Variants in FGF10 observed in about 807,000 individuals in gnomAD.
The protein encoded by FGF10 is fibroblast growth factor 10.
FGF10 carries 2 observed loss-of-function variants against 19.8 expected under a neutral mutation model. The ratio of observed to expected loss-of-function variants is 0.10; its 90% confidence interval spans 0.04 to 0.32. FGF10 has a LOEUF of 0.32. Ranked by LOEUF, FGF10 falls within the 10% of genes least tolerant of loss-of-function variation. The pLI, the probability that FGF10 is intolerant of heterozygous loss-of-function variation, is 1.00. For synonymous variants in FGF10, 112 were observed against 94.0 expected (o/e 1.19, Z -1.10); for missense variants, 191 against 246.3 (o/e 0.78, Z 1.50).
chr5:44,323,412 T>A (rs911271984), intron 1 of FGF10, among the ~76,000 whole-genome samples: 4 of 152,122 alleles, frequency 2.6e-5, no homozygotes, highest in African/African-American at 9.7e-5. Context: ...GAACTCAGCA[T>A]GAAAATCTGA....
chr5:44,328,168 T>C (rs4866891), intron 1 of FGF10, among the ~76,000 whole-genome samples: 85,831 of 152,102 alleles, frequency 0.56, 25,480 homozygotes, highest in Non-Finnish European at 0.67. Flanking sequence ...CTCATTAGAA[T>C]CAACAGTTTT....
rs1347670033 is a variant in FGF10, at chr5:44,302,922, G to C, written c.*2073C>G. Among the ~76,000 whole-genome samples, 1 of 151,816 alleles carries C rather than the reference G, an allele frequency of 6.6e-6. No homozygotes were observed. The highest frequency in any genetic ancestry group is 2.1e-4 in the South Asian group (1 of 4,792). On this transcript the variant is annotated 3_prime_UTR_variant, in exon 3 of 3. Transcript: ENST00000264664. ...CAAACATTTAATTTTGGTTGTGGGT[G>C]GTCTATGTTTATGTGTCAGGTGCAA...
In FGF10 at chr5:44,328,998, G is replaced by GAATA. The variant is rs537265763; in HGVS notation, c.326-18472_326-18469dup. On this transcript the variant is annotated intron_variant, in intron 1 of 2. Coordinates refer to ENST00000264664, the MANE Select transcript of FGF10 (RefSeq NM_004465.2). Reference sequence around the variant, plus strand: ...GGTGACAGAGTGAGACTCTGTCTCTGAATAAATAAATAGCCTAAGAAGAGG... The same window carrying GAATA: ...GGTGACAGAGTGAGACTCTGTCTCTGAATAAATAAATAAATAGCCTAAGAAGAGG... Among the ~76,000 whole-genome samples, 13 of 152,132 alleles carry GAATA rather than the reference G, an allele frequency of 8.5e-5. No individual in the cohort carries two copies. In the South Asian group the frequency reaches 2.5e-3, roughly 29 times the overall value.
rs527294576 is a variant in FGF10, at chr5:44,304,030, T to C, written c.*965A>G. On this transcript the variant is annotated 3_prime_UTR_variant, in exon 3 of 3. Coordinates refer to ENST00000264664, the MANE Select transcript of FGF10 (RefSeq NM_004465.2). ...TGTATTGAAAGAGAAGAATTTGGCC[T>C]TCTGGTCTATTTCTTGAGACAGGAA... is the stretch of plus-strand genomic sequence containing the variant. 2.6e-5 allele frequency: 4 copies of C among 152,276 alleles called. No homozygotes were observed. Among genetic ancestry groups the C allele is most frequent in the Middle Eastern group, 3.4e-3 (1 of 294 alleles). The allele number at this position is 152,276 out of a possible 1,614,324, so 9.4% of individuals were successfully genotyped here.
At position 44,346,594 on chromosome 5, in the gene FGF10, A is replaced by G. The variant is rs905624061; in HGVS notation, c.326-36064T>C. Among the ~76,000 whole-genome samples the G allele has an allele frequency of 2.6e-5, 4 of 151,456 alleles. No homozygotes were observed. The Admixed American group carries it at 2.6e-4, about 10-fold the overall frequency. On this transcript the variant is annotated intron_variant, in intron 1 of 2. Transcript: ENST00000264664. ...TCACACATTGATTTCATTCTTCAGA[A>G]CTCATGCACTCTGCCTGAGCTTTAT...
At chr5:44,305,271 C>G (rs2098814471) in intron 2 of FGF10, 79 bp from the exon 3 acceptor site, 2 of 1,319,416 alleles carry the variant, frequency 1.5e-6, no homozygotes, top group South Asian at 1.2e-5. Flanking sequence ...CCAGAGAACT[C>G]CAGTCCAAGG....
At chr5:44,369,798 T>G (rs1741704545) in intron 1 of FGF10, among the ~76,000 whole-genome samples, 1 of 152,150 alleles carries the variant, frequency 6.6e-6, no homozygotes, top group Admixed American at 6.6e-5. Flanking sequence ...TAGAATATAC[T>G]GGAACTTTCT....
chr5:44,308,972 A>G (rs890129577), intron 2 of FGF10, among the ~76,000 whole-genome samples: 3 of 152,146 alleles, frequency 2.0e-5, no homozygotes, highest in Non-Finnish European at 4.4e-5. Context: ...TGCATACTCA[A>G]GTTTAAGAGC....
intron 1 of FGF10, among the ~76,000 whole-genome samples, chr5:44,378,147 C>A (rs1741907686): frequency 6.6e-6 from 1 of 152,110 alleles, no homozygotes; most frequent in Non-Finnish European, 1.5e-5. Context: ...TAAGCAACAG[C>A]AGCTGAAGGG....
intron 1 of FGF10, among the ~76,000 whole-genome samples, chr5:44,329,695 A>T (rs1372198630): frequency 6.6e-6 from 1 of 152,212 alleles, no homozygotes; most frequent in East Asian, 1.9e-4. Context: ...GGACCTTTTA[A>T]GTGGTTTTGG....
chr5:44,388,295 T>A (rs1464103792), intron 1 of FGF10, 63 bp downstream of exon 1: 10 of 1,489,618 alleles, frequency 6.7e-6, no homozygotes, highest in Middle Eastern at 2.3e-4. Flanking sequence ...GAACAGATTT[T>A]TCCCCCCCGT....
chr5:44,358,980 T>C (rs1338306143), intron 1 of FGF10, among the ~76,000 whole-genome samples: 2 of 151,548 alleles, frequency 1.3e-5, no homozygotes, highest in South Asian at 4.1e-4. Context: ...CCCTCTGCTT[T>C]TGTGGTACAT....
intron 1 of FGF10, among the ~76,000 whole-genome samples, chr5:44,315,562 T>C (rs1740325572): frequency 6.6e-6 from 1 of 152,146 alleles, no homozygotes; most frequent in Non-Finnish European, 1.5e-5. Flanking sequence ...ACGTGGAAAG[T>C]CTCATTAATT....
chr5:44,321,632 G>A (rs536244522), intron 1 of FGF10, among the ~76,000 whole-genome samples: 1 of 152,280 alleles, frequency 6.6e-6, no homozygotes, highest in Admixed American at 6.5e-5. Flanking sequence ...ATGCTGGCTA[G>A]CCAAAAAATG....
At chr5:44,314,788 T>A (rs1333202359) in intron 1 of FGF10, among the ~76,000 whole-genome samples, 4 of 152,166 alleles carry the variant, frequency 2.6e-5, no homozygotes, top group Non-Finnish European at 5.9e-5. Flanking sequence ...GCAATCATGT[T>A]GGACAAAGGC....
At chr5:44,388,208 G>A in intron 1 of FGF10, 150 bp downstream of exon 1, 1 of 783,272 alleles carries the variant, frequency 1.3e-6, no homozygotes, top group South Asian at 1.5e-5. Context: ...GGGGTTGGGG[G>A]GTGAATTAGT....
chr5:44,387,741 CCAAAACAAAA>C (rs148064270), intron 1 of FGF10, among the ~76,000 whole-genome samples: 7 of 151,788 alleles, frequency 4.6e-5, no homozygotes, highest in South Asian at 2.1e-4. Flanking sequence ...CATAAGGGAC[CCAAAACAAAA>C]CAAAACAAAA....
chr5:44,384,251 G>A (rs1485671569), intron 1 of FGF10, among the ~76,000 whole-genome samples: 1 of 152,042 alleles, frequency 6.6e-6, no homozygotes, highest in Non-Finnish European at 1.5e-5. Flanking sequence ...AAATAGTCAT[G>A]TATTCCTAAT....
chr5:44,340,177 G>A (rs898104300), intron 1 of FGF10, among the ~76,000 whole-genome samples: 42 of 152,242 alleles, frequency 2.8e-4, no homozygotes, highest in African/African-American at 8.9e-4. Flanking sequence ...GGGAGCAGAT[G>A]AGACTGAAAT....
Sources: allele counts gnomAD v4.1 joint callset (sites outside exome capture counted in the v4.1 genomes callset), GRCh38; gene constraint gnomAD v4.1.1; transcripts MANE v1.5; gene names NCBI Gene and HGNC (gene_info 2026-07-23, HGNC 2026-07-21).